The following PRR5L variants were observed in gnomAD, a reference collection of about 807,000 sequenced individuals.
PRR5L encodes proline-rich protein 5-like.
A neutral mutation model predicts 36.4 loss-of-function variants in PRR5L; 21 were observed. The observed-to-expected ratio is 0.58, with a 90% CI of 0.41 to 0.83. The LOEUF (loss-of-function observed/expected upper bound fraction) is 0.83, where lower values mean the gene tolerates loss of function less well. Ranked by LOEUF, PRR5L falls within the 40% of genes least tolerant of loss-of-function variation. PRR5L has a pLI of 0.00. For missense variants in PRR5L, 381 were observed against 473.3 expected (o/e 0.80, Z 1.81); for synonymous variants, 188 against 197.0 (o/e 0.95, Z 0.38).
Position 36,446,385 on chromosome 11 carries a change from T to G in PRR5L, c.530T>G (p.Leu177Arg), listed in dbSNP as rs748104815. The change falls in exon 7 of 9, where the codon CTG (leucine) becomes CGG (arginine). Residue 177 changes from leucine (L) to arginine (R), a missense_variant. By Grantham distance (102) the Leu-to-Arg change is moderately radical (BLOSUM62 -2). Transcript: ENST00000530639. ...LLKVKLGDLLLLAQSKLPSSI... is the reference protein window; with the variant it reads ...LLKVKLGDLLRLAQSKLPSSI... ...AAGGTGAAGCTGGGTGACCTGCTGCTGCTGGCCCAGTCCAAGCTGCCCTCG... is the reference window on the plus strand; with the variant it reads ...AAGGTGAAGCTGGGTGACCTGCTGCGGCTGGCCCAGTCCAAGCTGCCCTCG... The G allele has an allele frequency of 6.2e-7, 1 of 1,614,208 alleles. No homozygotes were observed. The highest frequency in any genetic ancestry group is 1.7e-5 in the Admixed American group (1 of 60,028).
At chr11:36,306,590 T>G (rs1856434781) in intron 1 of PRR5L, among the ~76,000 whole-genome samples, 1 of 152,166 alleles carries the variant, frequency 6.6e-6, no homozygotes, top group South Asian at 2.1e-4. Flanking sequence ...AGGGGATGGA[T>G]TTCTAGAAGC....
intron 1 of PRR5L, among the ~76,000 whole-genome samples, chr11:36,330,479 A>G (rs12421193): frequency 0.096 from 14,625 of 152,250 alleles, 1,289 homozygotes; most frequent in African/African-American, 0.24. Flanking sequence ...TAATGTAATT[A>G]GAAACCTGTA....
chr11:36,445,239 T>A (rs1024607862), intron 6 of PRR5L, among the ~76,000 whole-genome samples: 2 of 152,194 alleles, frequency 1.3e-5, no homozygotes, highest in African/African-American at 2.4e-5. Context: ...CCTAATGATG[T>A]CTTTGGTTCT....
intron 4 of PRR5L, among the ~76,000 whole-genome samples, chr11:36,428,832 C>A (rs982248472): frequency 6.6e-6 from 1 of 152,062 alleles, no homozygotes; most frequent in African/African-American, 2.4e-5. Flanking sequence ...TAAATATCAT[C>A]AAAATGTGTG....
chr11:36,383,123 T>C (rs933255246), intron 1 of PRR5L, among the ~76,000 whole-genome samples: 2 of 152,110 alleles, frequency 1.3e-5, no homozygotes, highest in Non-Finnish European at 2.9e-5. Flanking sequence ...ATAATAATAG[T>C]GTCTACCTCC....
chr11:36,339,472 A>C (rs1856798781), intron 1 of PRR5L, among the ~76,000 whole-genome samples: 1 of 152,232 alleles, frequency 6.6e-6, no homozygotes, highest in Non-Finnish European at 1.5e-5. Flanking sequence ...AAAAGCTGAC[A>C]CTTATTTAAA....
At chr11:36,353,814 G>A (rs1437514478) in intron 1 of PRR5L, among the ~76,000 whole-genome samples, 2 of 152,130 alleles carry the variant, frequency 1.3e-5, no homozygotes, top group East Asian at 3.8e-4. Context: ...CTGCTCTGTG[G>A]CCCCATTCCT....
chr11:36,428,411 T>G (rs150420774), intron 4 of PRR5L, among the ~76,000 whole-genome samples: 2 of 152,298 alleles, frequency 1.3e-5, no homozygotes, highest in East Asian at 3.9e-4. Context: ...GCAAGACCCT[T>G]TGGGGCTCCA....
At chr11:36,304,383 T>C (rs558279240) in intron 1 of PRR5L, among the ~76,000 whole-genome samples, 1 of 152,254 alleles carries the variant, frequency 6.6e-6, no homozygotes, top group South Asian at 2.1e-4. Context: ...CAAAAATCCC[T>C]GCTCTCATGG....
rs1565409483 is a variant in PRR5L at position 36,351,707 on chromosome 11, T to TTATATATA, written c.-125-49287_-125-49286insATATATAT. Among the ~76,000 whole-genome samples, 10 of 75,640 alleles carry TTATATATA rather than the reference T, an allele frequency of 1.3e-4. 3 individuals are homozygous for TTATATATA. The highest frequency in any genetic ancestry group is 4.0e-4 in the Admixed American group (2 of 5,046). 49.6% of individuals were successfully genotyped at this position (75,640 alleles called of 152,430 possible). ...TTTATATATTTATATATTTATATAT[T>TTATATATA]TATTTATATATTTATATATTTTTTA... On this transcript the variant is annotated intron_variant, in intron 1 of 8. Transcript: ENST00000530639.
chr11:36,325,478 G>T (rs1040021261), intron 1 of PRR5L, among the ~76,000 whole-genome samples: 2 of 152,238 alleles, frequency 1.3e-5, no homozygotes, highest in African/African-American at 4.8e-5. Flanking sequence ...CCCATACAAA[G>T]GGAGGGGACC....
In PRR5L at chr11:36,364,144, C is replaced by A. The variant is rs550553857; in HGVS notation, c.-125-36853C>A. Among the ~76,000 whole-genome samples, 13 of 152,300 alleles carry A rather than the reference C, an allele frequency of 8.5e-5. No individual in the cohort carries two copies. The South Asian group carries it at 2.1e-3, about 24-fold the overall frequency. On this transcript the variant is annotated intron_variant, in intron 1 of 8. Coordinates refer to ENST00000530639, the MANE Select transcript of PRR5L (RefSeq NM_001160167.2). ...TTACCTCTCTGTGCTTCAGTTTCCT[C>A]ATCTGTGAAATGGAAATAATAATAA...
At chr11:36,340,057 T>A (rs7114403) in intron 1 of PRR5L, among the ~76,000 whole-genome samples, 85,432 of 151,634 alleles carry the variant, frequency 0.56, 25,374 homozygotes, top group East Asian at 0.88. Flanking sequence ...GCTGTGTTTC[T>A]GTGTACAGCT....
chr11:36,310,038 G>A (rs549611995), intron 1 of PRR5L, among the ~76,000 whole-genome samples: 1 of 2,558 alleles, frequency 3.9e-4, no homozygotes, highest in African/African-American at 5.5e-4. Flanking sequence ...ATCCTGACCT[G>A]GAAGCCTGTT....
intron 4 of PRR5L, among the ~76,000 whole-genome samples, chr11:36,427,969 T>A (rs747093005): frequency 6.6e-6 from 1 of 152,186 alleles, no homozygotes; most frequent in African/African-American, 2.4e-5. Flanking sequence ...GGTACCTAGA[T>A]GGAGAGTGGG....
intron 3 of PRR5L, among the ~76,000 whole-genome samples, chr11:36,412,864 G>A (rs1269275235): frequency 6.6e-6 from 1 of 152,078 alleles, no homozygotes; most frequent in Non-Finnish European, 1.5e-5. Flanking sequence ...CTAGCATCCA[G>A]AACCATGTCT....
intron 1 of PRR5L, among the ~76,000 whole-genome samples, chr11:36,305,627 A>G (rs999856129): frequency 6.6e-6 from 1 of 152,212 alleles, no homozygotes; most frequent in African/African-American, 2.4e-5. Flanking sequence ...TGATTAGGTC[A>G]TAAGGGTGGG....
intron 3 of PRR5L, among the ~76,000 whole-genome samples, chr11:36,407,574 T>C (rs187975110): frequency 6.6e-6 from 1 of 152,324 alleles, no homozygotes; most frequent in East Asian, 1.9e-4. Context: ...AGGAAATGAC[T>C]TTTTCAGTTC....
At position 36,403,288 on chromosome 11, in the gene PRR5L, T is replaced by C; in HGVS notation, c.165-10T>C. 3 of 1,613,310 alleles carry C rather than the reference T, an allele frequency of 1.9e-6. No homozygotes were observed. Among genetic ancestry groups the C allele is most frequent in the Non-Finnish European group, 2.5e-6 (3 of 1,179,282 alleles). On this transcript the variant is annotated splice_polypyrimidine_tract_variant and intron_variant, in intron 2 of 8. Transcript: ENST00000530639. Reference sequence around the variant, plus strand: ...ATTCTCTAACCAGGGGTTATTCTCTTTTCCTGTAGCGTTCAGACTGCTGTG... The same window carrying C: ...ATTCTCTAACCAGGGGTTATTCTCTCTTCCTGTAGCGTTCAGACTGCTGTG...
Sources: gnomAD v4.1 joint callset for allele counts (sites outside exome capture counted in the v4.1 genomes callset) on GRCh38, gnomAD v4.1.1 for gene constraint, MANE v1.5 for transcripts, NCBI Gene and HGNC (gene_info 2026-07-23, HGNC 2026-07-21) for gene names.